Variants in KIT observed in about 807,000 individuals in gnomAD.
KIT encodes the protein mast/stem cell growth factor receptor Kit.
KIT carries 16 observed loss-of-function variants against 105.7 expected under a neutral mutation model. That is an observed-to-expected ratio of 0.15 (90% CI 0.10 to 0.23). The LOEUF (loss-of-function observed/expected upper bound fraction) is 0.23. Ranked by LOEUF, KIT falls within the 10% of genes least tolerant of loss-of-function variation. The pLI is 1.00. For synonymous variants in KIT, 438 were observed against 441.1 expected (o/e 0.99, Z 0.09); for missense variants, 858 against 1,213.8 (o/e 0.71, Z 4.36).
chr4:54,677,758 G>A (rs774921828), intron 1 of KIT, among the ~76,000 whole-genome samples: 30 of 152,230 alleles, frequency 2.0e-4, no homozygotes, highest in Non-Finnish European at 3.5e-4. Flanking sequence ...CATGGAAGTT[G>A]CCCTTCAGAA....
chr4:54,731,475 A>G, intron 15 of KIT, 56 bp downstream of exon 15: 3 of 1,144,970 alleles, frequency 2.6e-6, no homozygotes, highest in Non-Finnish European at 1.3e-6. Context: ...TATGTATATC[A>G]TGCTAATGTG....
intron 1 of KIT, among the ~76,000 whole-genome samples, chr4:54,684,568 C>T (rs1252942971): frequency 6.6e-6 from 1 of 152,142 alleles, no homozygotes. Flanking sequence ...CTTCTGGAAG[C>T]ACCCTGTGTC....
At position 54,727,155 on chromosome 4, in the gene KIT, G is replaced by A. The variant is rs905987523; in HGVS notation, c.1541-63G>A. Reference sequence around the variant, plus strand: ...GGAGGTGGGGTCAGTTTGGGACTGAGTGGCTGTGGTAGAGATCCCATCCTG... The same window carrying A: ...GGAGGTGGGGTCAGTTTGGGACTGAATGGCTGTGGTAGAGATCCCATCCTG... On this transcript the variant is annotated intron_variant, in intron 9 of 20. Coordinates refer to ENST00000288135, the MANE Select transcript of KIT (RefSeq NM_000222.3). The A allele has an allele frequency of 1.1e-5, 16 of 1,396,370 alleles. No homozygotes were observed. The Admixed American group carries it at 2.5e-4, about 22-fold the overall frequency. 86.5% of individuals were successfully genotyped at this position (1,396,370 alleles called of 1,614,324 possible).
chr4:54,678,684 C>T (rs964243605), intron 1 of KIT, among the ~76,000 whole-genome samples: 1 of 152,124 alleles, frequency 6.6e-6, no homozygotes, highest in African/African-American at 2.4e-5. Context: ...CTCACCCAAG[C>T]TCAGAGAAGC....
intron 1 of KIT, among the ~76,000 whole-genome samples, chr4:54,666,889 T>C (rs2109553409): frequency 6.6e-6 from 1 of 152,330 alleles, no homozygotes; most frequent in East Asian, 1.9e-4. Context: ...TTCGGCTATA[T>C]TGATAACAGC....
chr4:54,661,550 C>T (rs1717269870), intron 1 of KIT, among the ~76,000 whole-genome samples: 1 of 152,166 alleles, frequency 6.6e-6, no homozygotes, highest in East Asian at 1.9e-4. Context: ...GCTGTGGCAG[C>T]TTTTTCTTCA....
chr4:54,693,230 AG>A (rs1430670822), intron 1 of KIT, among the ~76,000 whole-genome samples: 1 of 152,220 alleles, frequency 6.6e-6, no homozygotes, highest in Admixed American at 6.5e-5. Context: ...TAACCAGATT[AG>A]GGGTCTTTTG....
At chr4:54,663,727 A>G (rs1376792122) in intron 1 of KIT, among the ~76,000 whole-genome samples, 1 of 152,170 alleles carries the variant, frequency 6.6e-6, no homozygotes, top group Admixed American at 6.5e-5. Context: ...GGTCCATGAA[A>G]GCAGTCAAGG....
At chr4:54,687,603 T>A (rs1247466139) in intron 1 of KIT, among the ~76,000 whole-genome samples, 1 of 152,090 alleles carries the variant, frequency 6.6e-6, no homozygotes, top group Non-Finnish European at 1.5e-5. Context: ...AGGTGGTATA[T>A]TCCTGGCACT....
chr4:54,693,031 A>G (rs908446256), intron 1 of KIT, among the ~76,000 whole-genome samples: 4 of 152,054 alleles, frequency 2.6e-5, no homozygotes, highest in African/African-American at 4.8e-5. Context: ...TCTTCTTTCT[A>G]TCTCGCATGT....
At chr4:54,677,909 A>G (rs1718596566) in intron 1 of KIT, among the ~76,000 whole-genome samples, 3 of 152,252 alleles carry the variant, frequency 2.0e-5, no homozygotes, top group Admixed American at 2.0e-4. Flanking sequence ...TGGGGTTTCA[A>G]GACCTAGAGG....
At chr4:54,679,098 G>T (rs1718721499) in intron 1 of KIT, among the ~76,000 whole-genome samples, 1 of 152,168 alleles carries the variant, frequency 6.6e-6, no homozygotes, top group South Asian at 2.1e-4. Flanking sequence ...CTGCTCCAAG[G>T]AGTGACACTG....
chr4:54,700,893 G>A lies in KIT; in HGVS notation c.756+1127G>A, dbSNP rs78253998. Among the ~76,000 whole-genome samples, 945 of 152,284 alleles carry A rather than the reference G, an allele frequency of 6.2e-3. 6 individuals carry two copies. Among genetic ancestry groups the A allele is most frequent in the Non-Finnish European group, 0.01 (681 of 68,008 alleles). ...CTTATTCTTTCAAACCAATGACTCAGAGAAACATTTTAGTTTTTGTATCAT... is the reference window on the plus strand; with the variant it reads ...CTTATTCTTTCAAACCAATGACTCAAAGAAACATTTTAGTTTTTGTATCAT... On this transcript the variant is annotated intron_variant, in intron 4 of 20. Transcript: ENST00000288135.
intron 1 of KIT, among the ~76,000 whole-genome samples, chr4:54,680,557 A>G (rs1718836478): frequency 2.0e-5 from 3 of 151,684 alleles, no homozygotes; most frequent in African/African-American, 7.3e-5. Flanking sequence ...ACGCCCGGCT[A>G]ATTTTTTATA....
At chr4:54,676,185 G>A (rs960406814) in intron 1 of KIT, among the ~76,000 whole-genome samples, 6 of 152,128 alleles carry the variant, frequency 3.9e-5, no homozygotes, top group African/African-American at 1.4e-4. Context: ...GTGTGGTCTG[G>A]ACCAGCAGCA....
At chr4:54,667,106 T>C (rs1717757277) in intron 1 of KIT, among the ~76,000 whole-genome samples, 1 of 152,066 alleles carries the variant, frequency 6.6e-6, no homozygotes, top group Non-Finnish European at 1.5e-5. Flanking sequence ...AGGCAGAAAG[T>C]CTGTAAGCAT....
Position 54,657,960 on chromosome 4 carries a change from C to T in KIT, c.-55C>T. ...GCTCGGCTTTGCCGCGCTCGCTGCACTTGGGCGAGAGCTGGAACGTGGACC... is the reference window on the plus strand; with the variant it reads ...GCTCGGCTTTGCCGCGCTCGCTGCATTTGGGCGAGAGCTGGAACGTGGACC... On this transcript the variant is annotated 5_prime_UTR_variant, in exon 1 of 21. Coordinates refer to ENST00000288135, the MANE Select transcript of KIT (RefSeq NM_000222.3). 3.2e-6 allele frequency: 5 copies of T among 1,579,734 alleles called. No individual in the cohort carries two copies. Among genetic ancestry groups the T allele is most frequent in the South Asian group, 1.1e-5 (1 of 89,700 alleles).
At chr4:54,708,672 CA>C (rs773364125) in intron 6 of KIT, among the ~76,000 whole-genome samples, 4 of 152,118 alleles carry the variant, frequency 2.6e-5, no homozygotes, top group Admixed American at 6.5e-5. Flanking sequence ...GCCAGCAGCT[CA>C]GTGTGAGAGA....
intron 1 of KIT, among the ~76,000 whole-genome samples, chr4:54,679,188 T>C (rs1415856655): frequency 1.3e-5 from 2 of 152,178 alleles, no homozygotes; most frequent in Non-Finnish European, 2.9e-5. Flanking sequence ...ATTGGCTCTC[T>C]CTAGCACTTA....
Sources: gnomAD v4.1 joint callset for allele counts (sites outside exome capture counted in the v4.1 genomes callset) on GRCh38, gnomAD v4.1.1 for gene constraint, MANE v1.5 for transcripts, NCBI Gene and HGNC (gene_info 2026-07-23, HGNC 2026-07-21) for gene names.